ZFP64: variants seen among roughly 807,000 people sequenced by gnomAD.
ZFP64 encodes ZFP64 zinc finger protein.
In ZFP64, 14 loss-of-function variants were observed where a neutral mutation model predicts 51.6. The ratio of observed to expected loss-of-function variants is 0.27; its 90% CI spans 0.18 to 0.42. ZFP64 has a LOEUF of 0.42. Ranked by LOEUF, ZFP64 falls within the 10% of genes least tolerant of loss-of-function variation. ZFP64 has a pLI of 1.00. For missense variants in ZFP64, 754 were observed against 906.8 expected, an observed-to-expected ratio of 0.83 and a Z score of 2.16; for synonymous variants, 375 against 361.4, an observed-to-expected ratio of 1.04 and a Z score of -0.43.
chr20:52,117,206 T>A (rs913203472), intron 5 of ZFP64, among the ~76,000 whole-genome samples: 2 of 152,254 alleles, frequency 1.3e-5, no homozygotes, highest in African/African-American at 4.8e-5. Flanking sequence ...CCTCAGGTGA[T>A]TCTTCTATAG....
At chr20:52,088,488 G>T in exon 8 of ZFP64, 1 of 1,614,158 alleles carries the variant, frequency 6.2e-7, no homozygotes. Context: ...GAGTGGATCC[G>T]CAGGTGCTTC....
At chr20:52,137,953 A>G (rs1980057654) in intron 5 of ZFP64, among the ~76,000 whole-genome samples, 1 of 152,088 alleles carries the variant, frequency 6.6e-6, no homozygotes, top group Admixed American at 6.6e-5. Flanking sequence ...AAGCGAGCAG[A>G]TTGCTTGAGC....
At chr20:52,101,163 C>G (rs780501249) in intron 5 of ZFP64, among the ~76,000 whole-genome samples, 2 of 152,086 alleles carry the variant, frequency 1.3e-5, no homozygotes, top group African/African-American at 4.8e-5. Flanking sequence ...CGATGCAGCC[C>G]CAAAGGTCAA....
At chr20:52,122,654 G>GA (rs1157978855) in intron 5 of ZFP64, among the ~76,000 whole-genome samples, 2 of 152,174 alleles carry the variant, frequency 1.3e-5, no homozygotes, top group Non-Finnish European at 2.9e-5. Context: ...TGATTCATGG[G>GA]AGGAGGCCAT....
chr20:52,186,365 T>A (rs1983961698), intron 2 of ZFP64, among the ~76,000 whole-genome samples: 1 of 152,172 alleles, frequency 6.6e-6, no homozygotes, highest in African/African-American at 2.4e-5. Flanking sequence ...AGAACAGGGA[T>A]GTTTTCCTGA....
intron 5 of ZFP64, among the ~76,000 whole-genome samples, chr20:52,109,355 G>T (rs1978426423): frequency 6.6e-6 from 1 of 151,938 alleles, no homozygotes; most frequent in South Asian, 2.1e-4. Context: ...GTAGAGACGG[G>T]GTTTCACCAT....
chr20:52,109,213 TGATCTTGGCTCAC>T (rs1228289101), intron 5 of ZFP64, among the ~76,000 whole-genome samples: 3 of 151,968 alleles, frequency 2.0e-5, no homozygotes, highest in Non-Finnish European at 4.4e-5. Flanking sequence ...TGCAGTGGCA[TGATCTTGGCTCAC>T]GATCTTGGCT....
rs1218196520 is a variant in ZFP64, at chr20:52,152,552, C to T, written c.1640G>A (p.Ser547Asn). The T allele has an allele frequency of 2.5e-6, 4 of 1,578,306 alleles. No individual in the cohort carries two copies. The highest frequency in any genetic ancestry group is 2.3e-5 in the South Asian group (2 of 85,204). Residue 547 changes from serine to asparagine, a missense_variant, in exon 6 of 6, where the codon AGT (serine) becomes AAT (asparagine). Physicochemically the swap from Ser to Asn is conservative, Grantham distance 46. This residue lies in a region of ZFP64 where 428 missense variants were observed against 472.4 expected (regional missense o/e 0.91). Transcript: ENST00000216923. Reference sequence around the variant, plus strand: ...CGAGGACTGAGGGGGGGCGATCAGACTGACCTGGCGCAGGATCTGCAGCCG... The same window carrying T: ...CGAGGACTGAGGGGGGGCGATCAGATTGACCTGGCGCAGGATCTGCAGCCG... ...NSRLQILRQV[S>N]LIAPPQSSRC... is the part of the protein sequence containing the mutation.
intron 5 of ZFP64, chr20:52,111,148 A>C: frequency 1.5e-6 from 1 of 685,954 alleles, no homozygotes; most frequent in South Asian, 1.6e-5. Context: ...GGGTTCCGCG[A>C]CGGGGAGGTG....
intron 5 of ZFP64, among the ~76,000 whole-genome samples, chr20:52,119,633 C>T (rs991058411): frequency 3.6e-5 from 5 of 139,150 alleles, no homozygotes; most frequent in African/African-American, 5.4e-5. Context: ...GGCATGGTGG[C>T]GTGCACCTGT....
exon 9 of ZFP64, chr20:52,084,769 T>C: frequency 6.2e-7 from 1 of 1,614,224 alleles, no homozygotes; most frequent in Non-Finnish European, 8.5e-7. Context: ...GCCCTCTGCG[T>C]CACGATCTTG....
At chr20:52,110,030 C>G (rs1423481641) in intron 5 of ZFP64, among the ~76,000 whole-genome samples, 2 of 152,068 alleles carry the variant, frequency 1.3e-5, no homozygotes, top group Non-Finnish European at 1.5e-5. Context: ...AACACTGAAA[C>G]TTTAATTGAA....
chr20:52,161,826 T>G (rs556162640), intron 4 of ZFP64, among the ~76,000 whole-genome samples: 12 of 152,246 alleles, frequency 7.9e-5, no homozygotes, highest in South Asian at 4.1e-4. Flanking sequence ...TTAGGAGAGC[T>G]GACTTTTGGT....
Position 52,088,237 on chromosome 20 carries a change from C to A in ZFP64, c.1228+155G>T, listed in dbSNP as rs1600682422. The A allele has an allele frequency of 2.4e-6, 3 of 1,271,988 alleles. No homozygotes were observed. The East Asian group carries it at 7.1e-5, about 30-fold the overall frequency. 78.8% of individuals were successfully genotyped at this position (1,271,988 alleles called of 1,614,324 possible). A position where few individuals can be genotyped will look rare whatever the true frequency, so the allele number is the denominator to read the frequency against. On this transcript the variant is annotated intron_variant, in intron 8 of 8. Transcript: ENST00000361387. ...TTACCAAAAGTTGTTGTTCCGGCAA[C>A]AGAAAAATGACAAATCTCACAATTA...
chr20:52,104,768 C>G, intron 5 of ZFP64: 1 of 558,136 alleles, frequency 1.8e-6, no homozygotes, highest in Non-Finnish European at 3.5e-6. Flanking sequence ...AGCCACCTTC[C>G]AGGCGCGCAG....
intron 2 of ZFP64, among the ~76,000 whole-genome samples, chr20:52,183,221 G>A (rs916607704): frequency 2.6e-5 from 4 of 152,180 alleles, no homozygotes; most frequent in Admixed American, 2.6e-4. Context: ...AGGCCTTGAG[G>A]TTGAGTTGGC....
At chr20:52,122,689 A>G (rs2122855697) in intron 5 of ZFP64, among the ~76,000 whole-genome samples, 1 of 152,216 alleles carries the variant, frequency 6.6e-6, no homozygotes, top group Middle Eastern at 3.4e-3. Context: ...GTTTGTAAGA[A>G]GTTGATTCCA....
intron 5 of ZFP64, among the ~76,000 whole-genome samples, chr20:52,139,566 T>C (rs539767246): frequency 6.6e-6 from 1 of 152,118 alleles, no homozygotes; most frequent in South Asian, 2.1e-4. Context: ...ACTACCTGGG[T>C]GACCAAACCA....
chr20:52,183,496 A>G (rs958427988), intron 2 of ZFP64, among the ~76,000 whole-genome samples: 3 of 152,188 alleles, frequency 2.0e-5, no homozygotes, highest in African/African-American at 7.2e-5. Flanking sequence ...ACTGTCCTGA[A>G]GTTCCGATGG....
Sources: allele counts gnomAD v4.1 joint callset (sites outside exome capture counted in the v4.1 genomes callset), GRCh38; gene constraint gnomAD v4.1.1; regional missense constraint gnomAD v4.1.1; transcripts MANE v1.5; gene names NCBI Gene and HGNC (gene_info 2026-07-23, HGNC 2026-07-21).